KANSL1L: variants seen among roughly 807,000 people sequenced by gnomAD.
KANSL1L encodes KAT8 regulatory NSL complex subunit 1-like protein.
Under a neutral mutation model 108.6 loss-of-function variants are expected in KANSL1L, and 25 were observed. That is an observed-to-expected ratio of 0.23 (90% CI 0.17 to 0.32). The LOEUF (loss-of-function observed/expected upper bound fraction) is 0.32. Ranked by LOEUF, KANSL1L falls within the 10% of genes least tolerant of loss-of-function variation. The pLI, the probability that KANSL1L is intolerant of heterozygous loss-of-function variation, is 1.00. For synonymous variants in KANSL1L, 405 were observed against 395.1 expected, an observed-to-expected ratio of 1.03 and a Z score of -0.30; for missense variants, 1,137 against 1,125.7, an observed-to-expected ratio of 1.01 and a Z score of -0.14.
intron 3 of KANSL1L, among the ~76,000 whole-genome samples, chr2:210,104,551 G>A (rs537179271): frequency 6.6e-6 from 1 of 151,842 alleles, no homozygotes; most frequent in Non-Finnish European, 1.5e-5. Flanking sequence ...TTTCTAATTG[G>A]TTTTAATTAT....
chr2:210,095,457 T>C (rs2094727236), intron 5 of KANSL1L, among the ~76,000 whole-genome samples: 1 of 152,114 alleles, frequency 6.6e-6, no homozygotes, highest in South Asian at 2.1e-4. Flanking sequence ...AGTACTCTCT[T>C]TGGCATACGA....
At chr2:210,125,984 A>G (rs555386766) in intron 3 of KANSL1L, among the ~76,000 whole-genome samples, 1 of 152,336 alleles carries the variant, frequency 6.6e-6, no homozygotes, top group South Asian at 2.1e-4. Flanking sequence ...AGACAAAGCA[A>G]TTAAGCAAGA....
In KANSL1L at chr2:210,057,635, G is replaced by A. The variant is rs185783118; in HGVS notation, c.1756-13531C>T. 1.3e-3 allele frequency among the ~76,000 whole-genome samples: 195 copies of A among 152,264 alleles called. 1 individual carries two copies. The highest frequency in any genetic ancestry group is 4.2e-3 in the African/African-American group (176 of 41,556). On this transcript the variant is annotated intron_variant, in intron 6 of 14. Coordinates refer to ENST00000281772, the MANE Select transcript of KANSL1L (RefSeq NM_152519.4). ...AAAATGGCATGAACCCGGGTGTTGC[G>A]GGAAGCCAGGAACCCTGAATGGAGG...
intron 8 of KANSL1L, among the ~76,000 whole-genome samples, chr2:210,033,488 C>T (rs1355063143): frequency 1.3e-5 from 2 of 152,172 alleles, no homozygotes; most frequent in East Asian, 1.9e-4. Context: ...ATTCTCCACT[C>T]TTCTGAAAAC....
At chr2:210,077,231 G>T (rs1269081650) in intron 5 of KANSL1L, among the ~76,000 whole-genome samples, 1 of 151,730 alleles carries the variant, frequency 6.6e-6, no homozygotes, top group African/African-American at 2.4e-5. Context: ...GACCAATATA[G>T]AAAAAAGGAG....
At chr2:210,170,332 C>A (rs1287058086) in intron 1 of KANSL1L, 13 of 983,620 alleles carry the variant, frequency 1.3e-5, no homozygotes, top group African/African-American at 1.7e-5. Context: ...ACGGAATGTG[C>A]TTACCACAGT....
chr2:210,059,748 C>A (rs949193488), intron 6 of KANSL1L, among the ~76,000 whole-genome samples: 4 of 151,764 alleles, frequency 2.6e-5, no homozygotes, highest in African/African-American at 9.7e-5. Context: ...GGCTTCCCAG[C>A]AGCATAAAAA....
At chr2:210,072,271 T>C (rs2094513158) in intron 6 of KANSL1L, among the ~76,000 whole-genome samples, 1 of 152,226 alleles carries the variant, frequency 6.6e-6, no homozygotes, top group African/African-American at 2.4e-5. Context: ...GTATGTCTGA[T>C]TTTGGCTTTG....
chr2:210,035,892 CACCTGGG>C (rs2094096008), intron 8 of KANSL1L, among the ~76,000 whole-genome samples: 1 of 152,210 alleles, frequency 6.6e-6, no homozygotes, highest in Admixed American at 6.5e-5. Flanking sequence ...GCATCTGAAT[CACCTGGG>C]ACCTTGTTAG....
intron 3 of KANSL1L, among the ~76,000 whole-genome samples, chr2:210,116,825 C>T (rs996867715): frequency 3.3e-5 from 5 of 152,090 alleles, no homozygotes; most frequent in Non-Finnish European, 7.4e-5. Context: ...TTTTCAATGT[C>T]CAGACACAGA....
intron 2 of KANSL1L, among the ~76,000 whole-genome samples, chr2:210,139,800 G>A (rs999799806): frequency 6.6e-6 from 1 of 150,390 alleles, no homozygotes; most frequent in African/African-American, 2.5e-5. Flanking sequence ...GGAGTGCAGA[G>A]GCGCAATCTT....
At chr2:210,171,524 C>G (rs1406264701), upstream of KANSL1L, 3 of 153,448 alleles carry the variant, frequency 2.0e-5, no homozygotes, top group South Asian at 4.0e-4. Context: ...GCAGAAGCGG[C>G]TCGGAGTGTT....
chr2:210,149,667 A>G (rs1049404929), intron 2 of KANSL1L, among the ~76,000 whole-genome samples: 2 of 152,004 alleles, frequency 1.3e-5, no homozygotes, highest in Admixed American at 1.3e-4. Context: ...GATTAATTCT[A>G]ATTTTAAAAA....
intron 2 of KANSL1L, 155 bp downstream of exon 2, chr2:210,153,340 C>T (rs905707746): frequency 1.5e-5 from 9 of 615,768 alleles, no homozygotes; most frequent in South Asian, 7.0e-5. Flanking sequence ...GGCGACAGAG[C>T]GAGACTCTGT....
rs536575907 is a variant in KANSL1L, at chr2:210,104,160, C to G, written c.1372G>C (p.Asp458His). The G allele has an allele frequency of 6.2e-7, 1 of 1,614,024 alleles. No homozygotes were observed. Among genetic ancestry groups the G allele is most frequent in the Admixed American group, 1.7e-5 (1 of 59,988 alleles). Residue 458 changes from aspartate (D) to histidine (H), a missense_variant, in exon 4 of 15, where the codon GAT (aspartate) becomes CAT (histidine). By Grantham distance (81) the Asp-to-His change is moderately conservative (BLOSUM62 -1). This residue lies in a region of KANSL1L where 556 missense variants were observed against 537.7 expected (regional missense o/e 1.03). Transcript: ENST00000281772. ...QECQDPVPEQ[D>H]FEMSPSSPTL... ...GGGCTGCTTGGTGACATTTCAAAATCTTGTTCCGGTACAGGATCTTGACAC... is the reference window on the plus strand; with the variant it reads ...GGGCTGCTTGGTGACATTTCAAAATGTTGTTCCGGTACAGGATCTTGACAC...
In KANSL1L at chr2:210,040,542, TAAAA is replaced by T; in HGVS notation, c.1922-19_1922-16del. 1.6e-6 allele frequency: 2 copies of T among 1,245,838 alleles called. No individual in the cohort carries two copies. The highest frequency in any genetic ancestry group is 2.3e-6 in the Non-Finnish European group (2 of 886,868). The allele number at this position is 1,245,838 out of a possible 1,614,324, so 77.2% of individuals were successfully genotyped here. On this transcript the variant is annotated splice_polypyrimidine_tract_variant and intron_variant, in intron 7 of 14. Coordinates refer to ENST00000281772, the MANE Select transcript of KANSL1L (RefSeq NM_152519.4). ...AAGAGGCACATCTGGAAAAATAAAA[TAAAA>T]AAGGTATTTTCAAATACCACTCTTT...
intron 5 of KANSL1L, among the ~76,000 whole-genome samples, chr2:210,079,648 A>ATATGTATGTGTG (rs1553653239): frequency 2.6e-4 from 4 of 15,220 alleles, no homozygotes; most frequent in South Asian, 3.1e-3. Flanking sequence ...ATATATATAT[A>ATATGTATGTGTG]TATATATATA....
intron 5 of KANSL1L, among the ~76,000 whole-genome samples, chr2:210,087,731 T>C (rs960081359): frequency 2.0e-5 from 3 of 152,172 alleles, no homozygotes; most frequent in African/African-American, 7.2e-5. Context: ...AATAAGCACG[T>C]AAAAAATTAA....
chr2:210,131,531 T>C (rs1424438706), intron 2 of KANSL1L, among the ~76,000 whole-genome samples: 1 of 152,074 alleles, frequency 6.6e-6, no homozygotes, highest in East Asian at 1.9e-4. Flanking sequence ...GCCATAGAAC[T>C]CATATTATTG....
Sources: allele counts gnomAD v4.1 joint callset (sites outside exome capture counted in the v4.1 genomes callset), GRCh38; gene constraint gnomAD v4.1.1; regional missense constraint gnomAD v4.1.1; transcripts MANE v1.5; gene names NCBI Gene and HGNC (gene_info 2026-07-23, HGNC 2026-07-21).